APOO: variants seen among roughly 807,000 people sequenced by gnomAD.
APOO encodes apolipoprotein O.
A neutral mutation model predicts 23.1 loss-of-function variants in APOO; 11 were observed. That is an observed-to-expected ratio of 0.48 (90% CI 0.30 to 0.79). The LOEUF is 0.79. APOO is among the 30% of genes least tolerant of loss of function. The probability of loss-of-function intolerance (pLI) is 0.07; values close to 1 mark genes in which losing one functional copy is unlikely to be tolerated. For missense variants in APOO, 160 were observed against 142.7 expected (o/e 1.12, Z -0.62); for synonymous variants, 59 against 54.8 (o/e 1.08, Z -0.34).
intron 8 of APOO, among the ~76,000 whole-genome samples, chrX:23,836,391 T>A (rs1373625166): frequency 8.9e-6 from 1 of 111,809 alleles, no homozygotes; most frequent in Non-Finnish European, 1.9e-5. Context: ...CTCGGCTCAC[T>A]GCAACCTCCG....
At chrX:23,848,181 T>C (rs1465087354) in intron 7 of APOO, among the ~76,000 whole-genome samples, 1 of 109,028 alleles carries the variant, frequency 9.2e-6, no homozygotes. Context: ...CCCTATTTTT[T>C]TGAGACAAAA....
At chrX:23,859,613 T>G (rs1657258241) in intron 5 of APOO, among the ~76,000 whole-genome samples, 1 of 111,199 alleles carries the variant, frequency 9.0e-6, no homozygotes, top group African/African-American at 3.3e-5. Context: ...CCGGCTAATT[T>G]TGTATTTTTA....
intron 1 of APOO, among the ~76,000 whole-genome samples, chrX:23,900,843 C>T (rs994736178): frequency 9.0e-6 from 1 of 111,010 alleles, no homozygotes; most frequent in African/African-American, 3.3e-5. Flanking sequence ...AAGAAACAAC[C>T]AATTGATTCT....
At chrX:23,854,201 A>G (rs1480077339) in intron 7 of APOO, among the ~76,000 whole-genome samples, 1 of 112,588 alleles carries the variant, frequency 8.9e-6, no homozygotes, top group African/African-American at 3.2e-5. Context: ...TATCCTAACC[A>G]CAGTCCAGCT....
chrX:23,839,341 C>T (rs1406329147), intron 8 of APOO, among the ~76,000 whole-genome samples: 2 of 111,797 alleles, frequency 1.8e-5, no homozygotes, highest in Non-Finnish European at 3.8e-5. Flanking sequence ...CCCATCAGTG[C>T]TGGTGTAAAA....
chrX:23,837,515 GA>G (rs1044754069), intron 8 of APOO, among the ~76,000 whole-genome samples: 2 of 109,956 alleles, frequency 1.8e-5, no homozygotes, highest in African/African-American at 6.6e-5. Context: ...ACAGTAAAAA[GA>G]AAGTTTTCTG....
At chrX:23,862,732 C>T (rs145777470) in intron 5 of APOO, among the ~76,000 whole-genome samples, 294 of 103,292 alleles carry the variant, frequency 2.8e-3, no homozygotes, top group African/African-American at 0.01. Flanking sequence ...CCTGATCATG[C>T]CACTGCACTA....
intron 7 of APOO, among the ~76,000 whole-genome samples, chrX:23,841,498 A>G (rs1438742847): frequency 9.3e-6 from 1 of 107,851 alleles, no homozygotes; most frequent in African/African-American, 3.4e-5. Flanking sequence ...AAAAAAAAAA[A>G]AAAAAAAAAA....
intron 7 of APOO, among the ~76,000 whole-genome samples, chrX:23,855,864 A>C (rs746382372): frequency 8.9e-6 from 1 of 112,085 alleles, no homozygotes; most frequent in Non-Finnish European, 1.9e-5. Context: ...AGCCTGGGGG[A>C]TAAACAGAAA....
intron 7 of APOO, among the ~76,000 whole-genome samples, chrX:23,850,325 C>A (rs1289509139): frequency 9.0e-6 from 1 of 111,719 alleles, no homozygotes. Flanking sequence ...CACATATACT[C>A]CATGATGAAA....
At chrX:23,867,079 G>A (rs182285988) in intron 5 of APOO, among the ~76,000 whole-genome samples, 2 of 110,254 alleles carry the variant, frequency 1.8e-5, no homozygotes, top group Admixed American at 9.8e-5. Flanking sequence ...CAGCCTGGGC[G>A]ACAGAGTGAG....
At chrX:23,852,050 A>G (rs1015158805) in intron 7 of APOO, among the ~76,000 whole-genome samples, 1 of 111,013 alleles carries the variant, frequency 9.0e-6, no homozygotes, top group African/African-American at 3.3e-5. Context: ...CCGCCTCCCA[A>G]GTAGGTGGGA....
chrX:23,863,404 A>T (rs1057292891), intron 5 of APOO, among the ~76,000 whole-genome samples: 2 of 111,798 alleles, frequency 1.8e-5, no homozygotes, highest in African/African-American at 3.2e-5. Context: ...GATTCACAGA[A>T]GATCTTCAAA....
chrX:23,875,075 C>G (rs1300619360), intron 3 of APOO, among the ~76,000 whole-genome samples: 1 of 110,757 alleles, frequency 9.0e-6, no homozygotes, highest in Non-Finnish European at 1.9e-5. Context: ...CATGGTGAAA[C>G]CCTGTCTCTA....
At chrX:23,859,852 A>T (rs1055188357) in intron 5 of APOO, among the ~76,000 whole-genome samples, 12 of 111,619 alleles carry the variant, frequency 1.1e-4, no homozygotes, top group Non-Finnish European at 1.9e-4. Context: ...TTTTTCCCTA[A>T]GAGAGCAGAA....
At chrX:23,854,500 T>C (rs4828834) in intron 7 of APOO, among the ~76,000 whole-genome samples, 53,607 of 110,701 alleles carry the variant, frequency 0.48, 11,749 homozygotes, top group African/African-American at 0.86. Flanking sequence ...TAAAATTTAG[T>C]GTGCATTTGT....
At chrX:23,897,660 A>G (rs914373261) in intron 1 of APOO, among the ~76,000 whole-genome samples, 1 of 111,898 alleles carries the variant, frequency 8.9e-6, no homozygotes. Flanking sequence ...AATAAAATGT[A>G]CATCATTTAA....
chrX:23,871,992 GC>G (rs1925641273), intron 4 of APOO, among the ~76,000 whole-genome samples: 1 of 111,242 alleles, frequency 9.0e-6, no homozygotes, highest in African/African-American at 3.3e-5. Context: ...TACTTATTTT[GC>G]CTTTAGCCTA....
intron 4 of APOO, among the ~76,000 whole-genome samples, chrX:23,872,353 C>T (rs1925657638): frequency 9.1e-6 from 1 of 109,911 alleles, no homozygotes; most frequent in African/African-American, 3.3e-5. Flanking sequence ...GCTATGATCA[C>T]GCCACTGGAT....
Sources: allele counts gnomAD v4.1 joint callset (sites outside exome capture counted in the v4.1 genomes callset), GRCh38; gene constraint gnomAD v4.1.1; transcripts MANE v1.5; gene names NCBI Gene and HGNC (gene_info 2026-07-23, HGNC 2026-07-21).